The following SLC5A3 variants were observed in gnomAD, a reference collection of about 807,000 sequenced individuals.
The protein encoded by SLC5A3 is sodium/myo-inositol cotransporter.
In SLC5A3, 10 loss-of-function variants were observed where a neutral mutation model predicts 43.2. The observed-to-expected ratio is 0.23, with a 90% CI of 0.14 to 0.39. SLC5A3 has a LOEUF of 0.39. Among genes scored for constraint, SLC5A3 ranks in the 10% least tolerant of loss-of-function variants. SLC5A3 has a pLI of 1.00. For synonymous variants in SLC5A3, 349 were observed against 322.0 expected (o/e 1.08, Z -0.90); for missense variants, 608 against 893.4 (o/e 0.68, Z 4.07).
In SLC5A3 at chr21:34,101,158, C is replaced by G; in HGVS notation, c.*3803C>G. 1.0e-6 allele frequency: 1 copy of G among 999,982 alleles called. No individual in the cohort carries two copies. The highest frequency in any genetic ancestry group is 1.2e-6 in the Non-Finnish European group (1 of 829,906). 61.9% of individuals were successfully genotyped at this position (999,982 alleles called of 1,614,324 possible). A position where few individuals can be genotyped will look rare whatever the true frequency, so the allele number is the denominator to read the frequency against. On this transcript the variant is annotated 3_prime_UTR_variant, in exon 2 of 2. Transcript: ENST00000381151. ...AAAAATGATTAAGTGAGATAAGTAC[C>G]TGGGTGACACAGATATTAGCCCGTT...
intron 1 of SLC5A3, among the ~76,000 whole-genome samples, chr21:34,077,044 C>T (rs1193802997): frequency 6.6e-6 from 1 of 152,158 alleles, no homozygotes; most frequent in African/African-American, 2.4e-5. Flanking sequence ...AGGTCTATAT[C>T]CACCTCCACC....
In SLC5A3 at chr21:34,101,997, T is replaced by A; in HGVS notation, c.*4642T>A. On this transcript the variant is annotated 3_prime_UTR_variant, in exon 2 of 2. Transcript: ENST00000381151. ...TGCAGTAAAAGTAAAAATTTGGAAT[T>A]AGTTGGCATATAGAGGAACCCTTTT... 3.0e-6 allele frequency: 3 copies of A among 1,000,170 alleles called. No homozygotes were observed. The highest frequency in any genetic ancestry group is 3.6e-6 in the Non-Finnish European group (3 of 829,928). The allele number at this position is 1,000,170 out of a possible 1,614,324, so 62.0% of individuals were successfully genotyped here. A position where few individuals can be genotyped will look rare whatever the true frequency, so the allele number is the denominator to read the frequency against.
rs1217782051 is a variant in SLC5A3 at position 34,095,147 on chromosome 21, A to G, written c.-52A>G. 1.5e-5 allele frequency: 22 copies of G among 1,513,028 alleles called. No individual in the cohort carries two copies. Among genetic ancestry groups the G allele is most frequent in the Non-Finnish European group, 1.8e-5 (21 of 1,138,034 alleles). The allele number at this position is 1,513,028 out of a possible 1,614,324, so 93.7% of individuals were successfully genotyped here. A position where few individuals can be genotyped will look rare whatever the true frequency, so the allele number is the denominator to read the frequency against. ...TTGGCTGGGGTTACTAAAAATAAAT[A>G]AAAAGTTGGACACTTCTGTCATTGG... On this transcript the variant is annotated 5_prime_UTR_variant, in exon 2 of 2. The change creates a new upstream start codon in the 5' untranslated region. Transcript: ENST00000381151.
chr21:34,078,428 G>A (rs1002980140), intron 1 of SLC5A3, among the ~76,000 whole-genome samples: 1 of 152,122 alleles, frequency 6.6e-6, no homozygotes, highest in African/African-American at 2.4e-5. Flanking sequence ...TTCCTCACCA[G>A]ATATGGTTTG....
intron 1 of SLC5A3, among the ~76,000 whole-genome samples, chr21:34,087,014 A>C (rs979987895): frequency 6.6e-6 from 1 of 152,244 alleles, no homozygotes. Flanking sequence ...CGACAGTTGC[A>C]GCAGTAAAAC....
rs546915845 is a variant in SLC5A3 at position 34,101,827 on chromosome 21, A to G, written c.*4472A>G. ...GATTTTCTCACACTTTGTGTTGGCT[A>G]ATAATAAAAGCACTGTTTTATTCTC... On this transcript the variant is annotated 3_prime_UTR_variant, in exon 2 of 2. Transcript: ENST00000381151. The G allele has an allele frequency of 5.8e-5, 58 of 998,828 alleles. No homozygotes were observed. The South Asian group carries it at 1.4e-3, about 24-fold the overall frequency. The allele number at this position is 998,828 out of a possible 1,614,324, so 61.9% of individuals were successfully genotyped here.
rs1978932997 is a variant in SLC5A3, at chr21:34,095,708, T to C, written c.510T>C (p.Ala170=). The C allele has an allele frequency of 1.9e-6, 3 of 1,613,840 alleles. No individual in the cohort carries two copies. Among genetic ancestry groups the C allele is most frequent in the Non-Finnish European group, 8.5e-7 (1 of 1,179,974 alleles). The stretch of plus-strand genomic sequence containing the variant: ...TCATCCTGCTCATTGGCATGACTGC[T>C]TTGCTGACTGTCACCGGAGGCCTTG... ...VSVILLIGMT[A]LLTVTGGLVA... The change falls in exon 2 of 2, where the codon GCT becomes GCC. Residue 170 remains alanine (A), a synonymous_variant. Coordinates refer to ENST00000381151, the MANE Select transcript of SLC5A3 (RefSeq NM_006933.7).
chr21:34,096,670 A>C lies in SLC5A3; in HGVS notation c.1472A>C (p.Tyr491Ser). Residue 491 changes from tyrosine to serine, a missense_variant, in exon 2 of 2, where the codon TAC (tyrosine) becomes TCC (serine). Around this residue, in one of 2 missense-constraint regions of SLC5A3, gnomAD observed 398 missense variants for 668.6 expected, o/e 0.60. Transcript: ENST00000381151. The surrounding 1 kb of genome is among the most constrained non-coding windows in gnomAD (Gnocchi z 5.9). ...GTCCGTTTGATACTGGCCTTTGCCT[A>C]CCGTGCCCCAGAATGTGACCAACCT... is the stretch of plus-strand genomic sequence containing the variant. ...GAVRLILAFA[Y>S]RAPECDQPDN... The C allele has an allele frequency of 6.2e-7, 1 of 1,614,116 alleles. No homozygotes were observed. The highest frequency in any genetic ancestry group is 8.5e-7 in the Non-Finnish European group (1 of 1,179,988).
chr21:34,095,213 G>A lies in SLC5A3; in HGVS notation c.15G>A (p.Leu5=). 1 of 1,610,506 alleles carries A rather than the reference G, an allele frequency of 6.2e-7. No homozygotes were observed. The highest frequency in any genetic ancestry group is 8.5e-7 in the Non-Finnish European group (1 of 1,177,632). ...AAGTTACCAGAATGAGAGCTGTACT[G>A]GACACAGCAGACATTGCCATAGTGG... is the stretch of plus-strand genomic sequence containing the variant. MRAV[L]DTADIAIVAL... Residue 5 remains leucine (L), a synonymous_variant, in exon 2 of 2, where the codon CTG becomes CTA. Coordinates refer to ENST00000381151, the MANE Select transcript of SLC5A3 (RefSeq NM_006933.7).
chr21:34,097,885 T>C lies in SLC5A3; in HGVS notation c.*530T>C. The C allele has an allele frequency of 1.0e-6, 1 of 997,232 alleles. No homozygotes were observed. Among genetic ancestry groups the C allele is most frequent in the Non-Finnish European group, 1.2e-6 (1 of 827,168 alleles). The allele number at this position is 997,232 out of a possible 1,614,324, so 61.8% of individuals were successfully genotyped here. ...AAGTTCATTTGCCAGGTTCATTTTG[T>C]TAGCATGAGCCTACGGATTCTGATT... On this transcript the variant is annotated 3_prime_UTR_variant, in exon 2 of 2. Coordinates refer to ENST00000381151, the MANE Select transcript of SLC5A3 (RefSeq NM_006933.7).
rs1341070468 is a variant in SLC5A3, at chr21:34,105,994, T to C, written c.*8639T>C. The C allele has an allele frequency of 2.1e-5, 21 of 995,164 alleles. No homozygotes were observed. The highest frequency in any genetic ancestry group is 1.1e-4 in the East Asian group (1 of 8,812). 61.6% of individuals were successfully genotyped at this position (995,164 alleles called of 1,614,324 possible). On this transcript the variant is annotated 3_prime_UTR_variant, in exon 2 of 2. Transcript: ENST00000381151. ...GTTTCATGTGTTTTTGAAAGTGTTA[T>C]TGTTTAAAAAATGAAAAAAGCATAT...
chr21:34,095,253 C>A lies in SLC5A3; in HGVS notation c.55C>A (p.Leu19Met). The change falls in exon 2 of 2, where the codon CTG becomes ATG. Residue 19 changes from leucine (L) to methionine (M), a missense_variant. Leu to Met is a conservative substitution (Grantham distance 15, BLOSUM62 2). Around this residue, in one of 2 missense-constraint regions of SLC5A3, gnomAD observed 398 missense variants for 668.6 expected, o/e 0.60. Coordinates refer to ENST00000381151, the MANE Select transcript of SLC5A3 (RefSeq NM_006933.7). ...TGCCATAGTGGCCCTGTATTTTATC[C>A]TGGTCATGTGCATTGGTTTTTTTGC... Reference protein sequence around the residue: ...DIAIVALYFILVMCIGFFAMW... With the variant: ...DIAIVALYFIMVMCIGFFAMW... The A allele has an allele frequency of 6.2e-7, 1 of 1,614,022 alleles. No homozygotes were observed. Among genetic ancestry groups the A allele is most frequent in the Non-Finnish European group, 8.5e-7 (1 of 1,179,930 alleles).
chr21:34,106,225 A>G lies in SLC5A3; in HGVS notation c.*8870A>G. 2.1e-6 allele frequency: 2 copies of G among 948,848 alleles called. No individual in the cohort carries two copies. The highest frequency in any genetic ancestry group is 2.6e-6 in the Non-Finnish European group (2 of 783,080). The allele number at this position is 948,848 out of a possible 1,614,324, so 58.8% of individuals were successfully genotyped here. A position where few individuals can be genotyped will look rare whatever the true frequency, so the allele number is the denominator to read the frequency against. Reference sequence around the variant, plus strand: ...GTAATTATTTTATGGAAATGTTAGCAATTCTGTACCAACTTTGAATAAAAT... The same window carrying G: ...GTAATTATTTTATGGAAATGTTAGCGATTCTGTACCAACTTTGAATAAAAT... On this transcript the variant is annotated 3_prime_UTR_variant, in exon 2 of 2. Coordinates refer to ENST00000381151, the MANE Select transcript of SLC5A3 (RefSeq NM_006933.7).
chr21:34,096,272 G>C lies in SLC5A3; in HGVS notation c.1074G>C (p.Leu358=). 6.2e-7 allele frequency: 1 copy of C among 1,614,138 alleles called. No homozygotes were observed. Residue 358 remains leucine (L), a synonymous_variant, in exon 2 of 2, where the codon CTG becomes CTC. Transcript: ENST00000381151. The surrounding 1 kb of genome is among the most constrained non-coding windows in gnomAD (Gnocchi z 5.9). ...NIAYPRLVMK[L]VPVGLRGLMM... ...CTTACCCACGCCTGGTGATGAAGCT[G>C]GTTCCTGTGGGCCTTCGGGGTTTAA...
Position 34,097,537 on chromosome 21 carries a change from T to C in SLC5A3, c.*182T>C. 8 of 1,381,988 alleles carry C rather than the reference T, an allele frequency of 5.8e-6. No individual in the cohort carries two copies. Among genetic ancestry groups the C allele is most frequent in the Non-Finnish European group, 7.5e-6 (8 of 1,065,368 alleles). The allele number at this position is 1,381,988 out of a possible 1,614,324, so 85.6% of individuals were successfully genotyped here. A position where few individuals can be genotyped will look rare whatever the true frequency, so the allele number is the denominator to read the frequency against. On this transcript the variant is annotated 3_prime_UTR_variant, in exon 2 of 2. Transcript: ENST00000381151. ...CCCAGAGATGGATTAAAGTAAATCT[T>C]CAACTTAAGTGAAGCCAAACCTAAC...
chr21:34,081,998 C>A lies in SLC5A3; in HGVS notation c.-337+8253C>A, dbSNP rs142854925. On this transcript the variant is annotated intron_variant, in intron 1 of 1. Transcript: ENST00000381151. ...AGGGGTGTGGGCCTGGTTTTGCCAGCTTTTTTTTTCTCTCTTCCTCCTACC... is the reference window on the plus strand; with the variant it reads ...AGGGGTGTGGGCCTGGTTTTGCCAGATTTTTTTTTCTCTCTTCCTCCTACC... Among the ~76,000 whole-genome samples the A allele has an allele frequency of 3.6e-3, 534 of 149,120 alleles. 2 individuals are homozygous for A. Among genetic ancestry groups the A allele is most frequent in the Non-Finnish European group, 5.5e-3 (373 of 67,340 alleles).
intron 1 of SLC5A3, among the ~76,000 whole-genome samples, chr21:34,076,845 T>C (rs1275408384): frequency 6.6e-6 from 1 of 152,230 alleles, no homozygotes; most frequent in Admixed American, 6.5e-5. Context: ...TTAAAAGTCC[T>C]GTTACACCCA....
At chr21:34,085,695 G>A (rs780237581) in intron 1 of SLC5A3, among the ~76,000 whole-genome samples, 8 of 148,936 alleles carry the variant, frequency 5.4e-5, no homozygotes, top group East Asian at 2.0e-4. Flanking sequence ...TCTGCCTCCC[G>A]GGTTTCACGC....
At chr21:34,093,355 T>TAA (rs1367528601) in intron 1 of SLC5A3, among the ~76,000 whole-genome samples, 1 of 152,158 alleles carries the variant, frequency 6.6e-6, no homozygotes, top group East Asian at 1.9e-4. Context: ...CTTAATGCTT[T>TAA]AAAAAGGCAC....
Sources: gnomAD v4.1 joint callset for allele counts (sites outside exome capture counted in the v4.1 genomes callset) on GRCh38, gnomAD v4.1.1 for gene constraint, gnomAD v4.1.1 regional missense constraint, Gnocchi (gnomAD v3.1) non-coding constraint, MANE v1.5 for transcripts, NCBI Gene and HGNC (gene_info 2026-07-23, HGNC 2026-07-21) for gene names.